Variants in PITPNC1 observed in about 807,000 individuals in gnomAD.
The protein encoded by PITPNC1 is phosphatidylinositol transfer protein cytoplasmic 1.
A neutral mutation model predicts 44.7 loss-of-function variants in PITPNC1; 18 were observed. The observed-to-expected ratio is 0.40, with a 90% CI of 0.28 to 0.60. PITPNC1 has a LOEUF of 0.60. Among genes scored for constraint, PITPNC1 ranks in the 20% least tolerant of loss-of-function variants. PITPNC1 has a pLI of 0.39. For synonymous variants in PITPNC1, 141 were observed against 149.6 expected, an observed-to-expected ratio of 0.94 and a Z score of 0.42; for missense variants, 290 against 418.4, an observed-to-expected ratio of 0.69 and a Z score of 2.68.
At chr17:67,601,135 T>C (rs775445197) in intron 5 of PITPNC1, among the ~76,000 whole-genome samples, 1 of 152,106 alleles carries the variant, frequency 6.6e-6, no homozygotes, top group Non-Finnish European at 1.5e-5. Flanking sequence ...CTAATACTTC[T>C]CTAAATCCTA....
At chr17:67,426,372 C>T (rs533242712) in intron 1 of PITPNC1, among the ~76,000 whole-genome samples, 1 of 152,058 alleles carries the variant, frequency 6.6e-6, no homozygotes, top group Non-Finnish European at 1.5e-5. Context: ...TGCCCATCAA[C>T]GATAGACTGG....
chr17:67,463,316 A>T (rs1194320692), intron 1 of PITPNC1, among the ~76,000 whole-genome samples: 1 of 152,072 alleles, frequency 6.6e-6, no homozygotes, highest in African/African-American at 2.4e-5. Flanking sequence ...GTTTTTTTTT[A>T]AACTTATGTG....
intron 5 of PITPNC1, among the ~76,000 whole-genome samples, chr17:67,621,310 C>T (rs1165677178): frequency 2.0e-5 from 3 of 151,848 alleles, no homozygotes; most frequent in Non-Finnish European, 2.9e-5. Context: ...CAGGTTCAAG[C>T]GATTCTCCTG....
intron 1 of PITPNC1, among the ~76,000 whole-genome samples, chr17:67,452,298 A>G (rs542947433): frequency 6.6e-6 from 1 of 152,118 alleles, no homozygotes; most frequent in East Asian, 2.0e-4. Flanking sequence ...GGCGGGAGCC[A>G]TCATGCCTGG....
intron 1 of PITPNC1, among the ~76,000 whole-genome samples, chr17:67,504,267 C>T (rs1454597549): frequency 1.3e-5 from 2 of 152,162 alleles, no homozygotes; most frequent in African/African-American, 4.8e-5. Context: ...AGTTGTTTTT[C>T]ATTTTCTTTT....
chr17:67,470,806 G>C (rs1362062257), intron 1 of PITPNC1, among the ~76,000 whole-genome samples: 2 of 150,130 alleles, frequency 1.3e-5, no homozygotes, highest in African/African-American at 4.9e-5. Context: ...TGGTTGCCGT[G>C]TCTGTGTAGA....
Position 67,425,254 on chromosome 17 carries a change from CACACACACAGAG to C in PITPNC1, c.48+47053_48+47064del, listed in dbSNP as rs1167118867. Among the ~76,000 whole-genome samples the C allele has an allele frequency of 5.3e-3, 633 of 119,946 alleles. 13 individuals are homozygous for C. Among genetic ancestry groups the C allele is most frequent in the Middle Eastern group, 9.6e-3 (2 of 208 alleles). 78.7% of individuals were successfully genotyped at this position (119,946 alleles called of 152,430 possible). On this transcript the variant is annotated intron_variant, in intron 1 of 8. Coordinates refer to ENST00000581322, the MANE Select transcript of PITPNC1 (RefSeq NM_012417.4). Reference sequence around the variant, plus strand: ...ACACACACACACACACACACACACACACACACACAGAGGGAGAGAGAGAGAGAAATGACCTCT... The same window carrying C: ...ACACACACACACACACACACACACACGGAGAGAGAGAGAGAAATGACCTCT...
At chr17:67,499,660 G>T (rs541126082) in intron 1 of PITPNC1, among the ~76,000 whole-genome samples, 1 of 152,308 alleles carries the variant, frequency 6.6e-6, no homozygotes, top group South Asian at 2.1e-4. Context: ...CATATATGAT[G>T]GTGGTCTTAT....
intron 1 of PITPNC1, among the ~76,000 whole-genome samples, chr17:67,384,579 C>G (rs1163856051): frequency 6.6e-6 from 1 of 152,220 alleles, no homozygotes; most frequent in African/African-American, 2.4e-5. Context: ...GCGCCCGCCA[C>G]TGCGCCCAGC....
At chr17:67,634,471 G>A (rs193029234) in intron 6 of PITPNC1, among the ~76,000 whole-genome samples, 3 of 152,100 alleles carry the variant, frequency 2.0e-5, no homozygotes, top group East Asian at 1.9e-4. Flanking sequence ...CATGAGAATC[G>A]CTTGAACCTG....
chr17:67,380,990 C>G (rs1367377233), intron 1 of PITPNC1, among the ~76,000 whole-genome samples: 2 of 152,066 alleles, frequency 1.3e-5, no homozygotes, highest in East Asian at 3.9e-4. Context: ...CCAGGCTGGT[C>G]TTGAACTCCT....
intron 2 of PITPNC1, among the ~76,000 whole-genome samples, chr17:67,545,982 G>A (rs137855593): frequency 1.4e-4 from 22 of 152,038 alleles, no homozygotes; most frequent in African/African-American, 5.3e-4. Flanking sequence ...GCCCGAGGTG[G>A]GTGGATCAAG....
At chr17:67,687,828 G>C (rs1483500016) in intron 8 of PITPNC1, among the ~76,000 whole-genome samples, 3 of 152,138 alleles carry the variant, frequency 2.0e-5, no homozygotes, top group Non-Finnish European at 2.9e-5. Flanking sequence ...ACTGGAAATT[G>C]AGAGCTGACT....
At chr17:67,433,547 T>C (rs1294052018) in intron 1 of PITPNC1, among the ~76,000 whole-genome samples, 1 of 152,068 alleles carries the variant, frequency 6.6e-6, no homozygotes, top group Non-Finnish European at 1.5e-5. Flanking sequence ...CAGAGCAGCC[T>C]GGGCAACATA....
intron 4 of PITPNC1, among the ~76,000 whole-genome samples, chr17:67,553,903 G>C (rs560750325): frequency 3.2e-4 from 49 of 152,174 alleles, no homozygotes; most frequent in Non-Finnish European, 6.0e-4. Flanking sequence ...GTTGGTGATA[G>C]TTCACTATAA....
At chr17:67,530,807 T>C (rs747199835) in intron 1 of PITPNC1, among the ~76,000 whole-genome samples, 2 of 152,230 alleles carry the variant, frequency 1.3e-5, no homozygotes, top group Non-Finnish European at 2.9e-5. Context: ...ATCTCACAGG[T>C]AGAGCTCACA....
intron 1 of PITPNC1, among the ~76,000 whole-genome samples, chr17:67,475,345 C>T (rs528451654): frequency 7.4e-4 from 113 of 152,264 alleles, no homozygotes; most frequent in African/African-American, 2.3e-3. Flanking sequence ...TCCAACGTGA[C>T]GCCTACCGAG....
intron 5 of PITPNC1, among the ~76,000 whole-genome samples, chr17:67,616,334 T>A (rs2041757173): frequency 6.6e-6 from 1 of 151,948 alleles, no homozygotes; most frequent in African/African-American, 2.4e-5. Flanking sequence ...ACAAAATGGG[T>A]TTTACCATGT....
chr17:67,476,477 C>T (rs367641113), intron 1 of PITPNC1, among the ~76,000 whole-genome samples: 2 of 151,872 alleles, frequency 1.3e-5, no homozygotes, highest in Non-Finnish European at 1.5e-5. Context: ...TTACCCACCA[C>T]GCCCGGCCTA....
Sources: gnomAD v4.1 joint callset for allele counts (sites outside exome capture counted in the v4.1 genomes callset) on GRCh38, gnomAD v4.1.1 for gene constraint, MANE v1.5 for transcripts, NCBI Gene and HGNC (gene_info 2026-07-23, HGNC 2026-07-21) for gene names.